ZNF266: variants seen among roughly 807,000 people sequenced by gnomAD.
ZNF266 encodes the protein zinc finger protein 1.
ZNF266 carries 16 observed loss-of-function variants against 16.4 expected under a neutral mutation model. The observed-to-expected ratio is 0.98, with a 90% CI of 0.66 to 1.48. The LOEUF (loss-of-function observed/expected upper bound fraction) is 1.48. ZNF266 is among the 40% of genes most tolerant of loss of function. The pLI is 0.00. For synonymous variants in ZNF266, 262 were observed against 237.9 expected, an observed-to-expected ratio of 1.10 and a Z score of -0.93; for missense variants, 738 against 689.1, an observed-to-expected ratio of 1.07 and a Z score of -0.79.
chr19:9,415,683 C>CA lies in ZNF266; in HGVS notation c.375_376insT (p.Gly126TrpfsTer21), dbSNP rs756080749. On this transcript the variant is annotated frameshift_variant, in exon 10 of 11. Transcript: ENST00000592904. LOFTEE classifies it low-confidence loss of function (END_TRUNC). ...TGAATCCCACTGGAGGTTGGCTCCC[C>CA]CAAAACATCCTGCTGAAGGGCTAAC... 1.2e-6 allele frequency: 2 copies of CA among 1,613,102 alleles called. No individual in the cohort carries two copies. The highest frequency in any genetic ancestry group is 2.7e-5 in the African/African-American group (2 of 75,016).
At position 9,426,288 on chromosome 19, in the gene ZNF266, A is replaced by C. The variant is rs2123279705; in HGVS notation, c.-129-6070T>G. 2.0e-5 allele frequency among the ~76,000 whole-genome samples: 3 copies of C among 152,204 alleles called. No individual in the cohort carries two copies. In the South Asian group the frequency reaches 6.2e-4, roughly 32 times the overall value. On this transcript the variant is annotated intron_variant, in intron 5 of 10. Transcript: ENST00000592904. ...TTGTCAGGTAAACAAAGGAAAAAAT[A>C]TTTTAGCCACCTGGAGATACAAGCC... is the stretch of plus-strand genomic sequence containing the variant.
chr19:9,423,056 C>T (rs937279586), intron 5 of ZNF266, among the ~76,000 whole-genome samples: 2 of 151,836 alleles, frequency 1.3e-5, no homozygotes, highest in Admixed American at 6.5e-5. Flanking sequence ...TGTTACTTTA[C>T]CTAGCTGCAC....
At chr19:9,423,012 T>C (rs755990201) in intron 5 of ZNF266, among the ~76,000 whole-genome samples, 3 of 152,178 alleles carry the variant, frequency 2.0e-5, no homozygotes, top group South Asian at 2.1e-4. Flanking sequence ...CCACTAGAAA[T>C]AGAGCAGACA....
intron 5 of ZNF266, among the ~76,000 whole-genome samples, chr19:9,423,149 T>G (rs2070191476): frequency 6.6e-6 from 1 of 152,212 alleles, no homozygotes; most frequent in South Asian, 2.1e-4. Flanking sequence ...CAATAAGGAC[T>G]TCCCCTTACC....
intron 5 of ZNF266, among the ~76,000 whole-genome samples, chr19:9,424,441 C>G (rs143460801): frequency 1.3e-5 from 2 of 152,144 alleles, no homozygotes; most frequent in African/African-American, 4.8e-5. Context: ...TCTGGGCGAA[C>G]GAAGATTTGT....
rs1186327386 is a variant in ZNF266 at position 9,434,127 on chromosome 19, C to G, written c.-301G>C. 1 of 152,224 alleles carries G rather than the reference C, an allele frequency of 6.6e-6. No individual in the cohort carries two copies. The highest frequency in any genetic ancestry group is 6.5e-5 in the Admixed American group (1 of 15,280). The allele number at this position is 152,224 out of a possible 1,614,324, so 9.4% of individuals were successfully genotyped here. On this transcript the variant is annotated 5_prime_UTR_variant, in exon 4 of 11. Coordinates refer to ENST00000592904, the MANE Select transcript of ZNF266 (RefSeq NM_001370374.1). ...TCTCTCACCATAGAAGTGGAGTCAG[C>G]CAATTCACAGAATGCTTTGCCCAGC...
chr19:9,419,003 AT>A (rs1369753056), intron 7 of ZNF266: 4 of 164,534 alleles, frequency 2.4e-5, no homozygotes, highest in African/African-American at 9.6e-5. Context: ...GGGAAGACTA[AT>A]TAATCAATAT....
rs750696152 is a variant in ZNF266, at chr19:9,414,079, G to T, written c.1047C>A (p.Cys349Ter). 6.2e-7 allele frequency: 1 copy of T among 1,613,824 alleles called. No individual in the cohort carries two copies. Among genetic ancestry groups the T allele is most frequent in the Non-Finnish European group, 8.5e-7 (1 of 1,179,952 alleles). The change falls in exon 11 of 11, where the codon TGC (cysteine) becomes TGA (stop). Residue 349 changes from cysteine (C) to a stop codon, truncating the protein, a stop_gained. Transcript: ENST00000592904. LOFTEE classifies it low-confidence loss of function (END_TRUNC). ...CATGGATTTTCATATGTTGACTTAA[G>T]CAAGAGGAAACAGTGAAGGCTCTCC... ...DCGRAFTVSS[C>*]LSQHMKIHVG...
intron 5 of ZNF266, among the ~76,000 whole-genome samples, chr19:9,431,204 G>T (rs2071533194): frequency 1.3e-5 from 2 of 152,170 alleles, no homozygotes; most frequent in Admixed American, 6.5e-5. Context: ...GTGGTCAGCA[G>T]TGTGGGTGTG....
chr19:9,415,986 G>A (rs892740423), intron 9 of ZNF266, among the ~76,000 whole-genome samples: 3 of 152,064 alleles, frequency 2.0e-5, no homozygotes, highest in African/African-American at 7.2e-5. Flanking sequence ...ACAACGCCCA[G>A]CTAATTTTTG....
In ZNF266 at chr19:9,414,671, T is replaced by TCTCCACATTGCTTAACATCA; in HGVS notation, c.435_454dup (p.Asp152ValfsTer20). 6.3e-7 allele frequency: 1 copy of TCTCCACATTGCTTAACATCA among 1,595,480 alleles called. No individual in the cohort carries two copies. The highest frequency in any genetic ancestry group is 8.6e-7 in the Non-Finnish European group (1 of 1,165,050). On this transcript the variant is annotated frameshift_variant, in exon 11 of 11. Coordinates refer to ENST00000592904, the MANE Select transcript of ZNF266 (RefSeq NM_001370374.1). LOFTEE classifies it low-confidence loss of function (END_TRUNC). ...AAGGCATGAGTGTTCACTGGAGACA[T>TCTCCACATTGCTTAACATCA]CTCCACATTGCTTAACATCACTGAC...
rs141049346 is a variant in ZNF266 at position 9,428,043 on chromosome 19, A to C, written c.-130+5625T>G. Among the ~76,000 whole-genome samples the C allele has an allele frequency of 3.8e-4, 58 of 152,276 alleles. No individual in the cohort carries two copies. The East Asian group carries it at 6.2e-3, about 16-fold the overall frequency. ...CATGCTAGAGACTGGCAACTTTTTA[A>C]ATGCCTGCTGGAGTCTCTAGACCAC... On this transcript the variant is annotated intron_variant, in intron 5 of 10. Transcript: ENST00000592904.
At chr19:9,414,760 AGATT>A (rs780782399) in intron 10 of ZNF266, 40 bp from the exon 11 acceptor site, 6 of 1,505,174 alleles carry the variant, frequency 4.0e-6, no homozygotes, top group African/African-American at 1.4e-5. Flanking sequence ...AGGACGGTTC[AGATT>A]GATTAACAGA....
chr19:9,417,341 C>T (rs563764454), intron 9 of ZNF266, among the ~76,000 whole-genome samples: 1 of 152,262 alleles, frequency 6.6e-6, no homozygotes, highest in East Asian at 1.9e-4. Flanking sequence ...CACTGCACTA[C>T]AGCCTGGGTG....
At chr19:9,432,031 C>A (rs887639800) in intron 5 of ZNF266, among the ~76,000 whole-genome samples, 5 of 152,232 alleles carry the variant, frequency 3.3e-5, no homozygotes, top group Admixed American at 2.0e-4. Flanking sequence ...TCTCAGCTCA[C>A]TGCAGCCTTC....
chr19:9,422,246 G>C (rs986804893), intron 5 of ZNF266, among the ~76,000 whole-genome samples: 1 of 152,138 alleles, frequency 6.6e-6, no homozygotes, highest in African/African-American at 2.4e-5. Context: ...TTTCTTTGTG[G>C]AGTCTCTGTA....
chr19:9,418,737 G>C (rs1407700379), intron 7 of ZNF266, 106 bp from the exon 8 acceptor site: 9 of 623,610 alleles, frequency 1.4e-5, no homozygotes, highest in Non-Finnish European at 2.3e-5. Flanking sequence ...GCCCACCCCA[G>C]GAGGTCCTCT....
At chr19:9,433,976 C>A (rs28653095) in intron 4 of ZNF266, 99 bp downstream of exon 4, 84,283 of 151,738 alleles carry the variant, frequency 0.56, 23,585 homozygotes, top group Middle Eastern at 0.63. Flanking sequence ...CTCTGTCTCC[C>A]AAAAGATATC....
At chr19:9,429,526 G>A (rs557479154) in intron 5 of ZNF266, among the ~76,000 whole-genome samples, 1 of 151,996 alleles carries the variant, frequency 6.6e-6, no homozygotes, top group Admixed American at 6.6e-5. Flanking sequence ...AGACGACCTT[G>A]TCCTAGCCCA....
Sources: gnomAD v4.1 joint callset for allele counts (sites outside exome capture counted in the v4.1 genomes callset) on GRCh38, gnomAD v4.1.1 for gene constraint, MANE v1.5 for transcripts, NCBI Gene and HGNC (gene_info 2026-07-23, HGNC 2026-07-21) for gene names.